The following APBB2 variants were observed in gnomAD, a reference collection of about 807,000 sequenced individuals.
APBB2 encodes Fe65-like 1.
APBB2 carries 38 observed loss-of-function variants against 82.5 expected under a neutral mutation model. The observed-to-expected ratio is 0.46, with a 90% CI of 0.36 to 0.60. The LOEUF (loss-of-function observed/expected upper bound fraction) is 0.60. Ranked by LOEUF, APBB2 falls within the 20% of genes least tolerant of loss-of-function variation. APBB2 has a pLI of 0.00. For missense variants in APBB2, 772 were observed against 972.3 expected (o/e 0.79, Z 2.74); for synonymous variants, 341 against 368.2 (o/e 0.93, Z 0.85).
Position 40,832,261 on chromosome 4 carries a change from T to C in APBB2, c.1530-1684A>G, listed in dbSNP as rs1282673963. On this transcript the variant is annotated intron_variant, in intron 12 of 17. Transcript: ENST00000508593. This position sits in a 1 kb window ranked among gnomAD's most constrained non-coding sequence, Gnocchi z 4.8. ...CTTGGGAAGGGACAGGGATTTACTATAGCAGGCAACTGGCCATCGTGAAGG... is the reference window on the plus strand; with the variant it reads ...CTTGGGAAGGGACAGGGATTTACTACAGCAGGCAACTGGCCATCGTGAAGG... Among the ~76,000 whole-genome samples the C allele has an allele frequency of 6.6e-6, 1 of 152,198 alleles. No individual in the cohort carries two copies. Among genetic ancestry groups the C allele is most frequent in the Non-Finnish European group, 1.5e-5 (1 of 68,034 alleles).
rs10694468 is a variant in APBB2 at position 41,000,105 on chromosome 4, G to GTGTGTGTGTGTGTGTGTGTA, written c.835+13477_835+13478insTACACACACACACACACACA. On this transcript the variant is annotated intron_variant, in intron 6 of 17. Coordinates refer to ENST00000508593, the MANE Select transcript of APBB2 (RefSeq NM_004307.2). ...TGTGTGTGTGTGTGTGTGTGTGTGT[G>GTGTGTGTGTGTGTGTGTGTA]TATAAATTAGCCAGGTGTGGTGGTG... 6.5e-3 allele frequency among the ~76,000 whole-genome samples: 881 copies of GTGTGTGTGTGTGTGTGTGTA among 135,026 alleles called. 30 individuals carry two copies. Among genetic ancestry groups the GTGTGTGTGTGTGTGTGTGTA allele is most frequent in the Non-Finnish European group, 7.9e-3 (507 of 64,248 alleles). The allele number at this position is 135,026 out of a possible 152,430, so 88.6% of individuals were successfully genotyped here.
At chr4:41,108,226 C>T (rs943458416) in intron 2 of APBB2, among the ~76,000 whole-genome samples, 6 of 152,082 alleles carry the variant, frequency 3.9e-5, no homozygotes, top group Non-Finnish European at 7.4e-5. Flanking sequence ...TGGTCACAAC[C>T]TATAAAAACT....
chr4:41,088,355 A>G (rs1000468505), intron 3 of APBB2, among the ~76,000 whole-genome samples: 2 of 152,186 alleles, frequency 1.3e-5, no homozygotes, highest in Non-Finnish European at 2.9e-5. Context: ...TGGTTTATCA[A>G]CTCACCCCTG....
intron 1 of APBB2, among the ~76,000 whole-genome samples, chr4:41,145,973 T>C (rs1268864941): frequency 6.6e-6 from 1 of 152,168 alleles, no homozygotes; most frequent in African/African-American, 2.4e-5. Context: ...GTGGATTGCT[T>C]GAGCCCAGGA....
chr4:40,981,644 A>G (rs549298799), intron 6 of APBB2, among the ~76,000 whole-genome samples: 4 of 152,298 alleles, frequency 2.6e-5, no homozygotes, highest in African/African-American at 9.6e-5. Flanking sequence ...GGTCTCTGCT[A>G]CCAACAGACA....
At chr4:40,906,482 A>C (rs1307305992) in intron 10 of APBB2, among the ~76,000 whole-genome samples, 21 of 150,262 alleles carry the variant, frequency 1.4e-4, no homozygotes, top group African/African-American at 2.7e-4. Flanking sequence ...AAAAAAAAAA[A>C]AAAAAAGAAA....
intron 11 of APBB2, 43 bp from the exon 12 acceptor site, chr4:40,890,534 TG>T: frequency 1.2e-6 from 2 of 1,608,874 alleles, no homozygotes; most frequent in Non-Finnish European, 1.7e-6. Context: ...TCATGCAGGC[TG>T]GAAAGCCTAA....
intron 17 of APBB2, among the ~76,000 whole-genome samples, chr4:40,819,352 A>AT (rs1747010192): frequency 2.0e-5 from 3 of 151,752 alleles, no homozygotes; most frequent in Non-Finnish European, 2.9e-5. Flanking sequence ...CGCTCGGCTA[A>AT]TTTTTGTATT....
At chr4:40,847,725 C>A (rs766639165) in intron 12 of APBB2, among the ~76,000 whole-genome samples, 1 of 152,018 alleles carries the variant, frequency 6.6e-6, no homozygotes, top group Non-Finnish European at 1.5e-5. Context: ...TTTCTTTGTG[C>A]CAGTTCAAAG....
In APBB2 at chr4:40,826,838, T is replaced by A. The variant is rs1750117183; in HGVS notation, c.1732+294A>T. On this transcript the variant is annotated intron_variant, in intron 14 of 17. Transcript: ENST00000508593. This position sits in a 1 kb window ranked among gnomAD's most constrained non-coding sequence, Gnocchi z 4.5. Reference sequence around the variant, plus strand: ...CATGAATTATAATATGAAGACAGTATTCTTAAAGAACATAAAATACAAAAC... The same window carrying A: ...CATGAATTATAATATGAAGACAGTAATCTTAAAGAACATAAAATACAAAAC... 1 of 294,620 alleles carries A rather than the reference T, an allele frequency of 3.4e-6. No homozygotes were observed. The allele number at this position is 294,620 out of a possible 1,614,324, so 18.3% of individuals were successfully genotyped here. A position where few individuals can be genotyped will look rare whatever the true frequency, so the allele number is the denominator to read the frequency against.
intron 2 of APBB2, among the ~76,000 whole-genome samples, chr4:41,112,673 T>C (rs189825333): frequency 2.8e-4 from 42 of 152,292 alleles, no homozygotes; most frequent in African/African-American, 8.7e-4. Flanking sequence ...ATCACTTCTG[T>C]GGGTCTACAC....
chr4:41,160,305 G>A (rs1278898277), intron 1 of APBB2, among the ~76,000 whole-genome samples: 2 of 152,210 alleles, frequency 1.3e-5, no homozygotes, highest in Non-Finnish European at 2.9e-5. Flanking sequence ...AGTGCTTGAA[G>A]AACACCATGC....
intron 1 of APBB2, among the ~76,000 whole-genome samples, chr4:41,190,439 A>C (rs140084487): frequency 0.02 from 3,062 of 151,800 alleles, 96 homozygotes; most frequent in African/African-American, 0.071. Context: ...TAGTAGACAC[A>C]GGGTTTCACC....
intron 3 of APBB2, among the ~76,000 whole-genome samples, chr4:41,098,981 A>G (rs1199772122): frequency 1.3e-5 from 2 of 152,244 alleles, no homozygotes; most frequent in Non-Finnish European, 2.9e-5. Context: ...TAAGATTAAC[A>G]TGTGATTACA....
At chr4:40,934,832 C>A in intron 8 of APBB2, 133 bp from the exon 9 acceptor site, 1 of 731,246 alleles carries the variant, frequency 1.4e-6, no homozygotes, top group South Asian at 1.8e-5. Context: ...GAAAGGCATG[C>A]AAGGACTGTT....
chr4:40,949,982 C>T lies in APBB2; in HGVS notation c.836-4909G>A, dbSNP rs980537686. Among the ~76,000 whole-genome samples, 8 of 152,272 alleles carry T rather than the reference C, an allele frequency of 5.3e-5. 1 individual carries two copies. The highest frequency in any genetic ancestry group is 1.4e-4 in the African/African-American group (6 of 41,544). ...AGATTCGGCACTGGACAGCCTAAAACGCACCGTGGGAACCCAACTCAGAGC... is the reference window on the plus strand; with the variant it reads ...AGATTCGGCACTGGACAGCCTAAAATGCACCGTGGGAACCCAACTCAGAGC... On this transcript the variant is annotated intron_variant, in intron 6 of 17. Coordinates refer to ENST00000508593, the MANE Select transcript of APBB2 (RefSeq NM_004307.2).
At position 41,081,376 on chromosome 4, in the gene APBB2, T is replaced by C. The variant is rs59328411; in HGVS notation, c.-148-15703A>G. Reference sequence around the variant, plus strand: ...CACAATTCTATTCAGGTTTCAGAAATGGAAAGACAAAAAGGGAAAAAAAAT... The same window carrying C: ...CACAATTCTATTCAGGTTTCAGAAACGGAAAGACAAAAAGGGAAAAAAAAT... On this transcript the variant is annotated intron_variant, in intron 3 of 17. Transcript: ENST00000508593. Among the ~76,000 whole-genome samples the C allele has an allele frequency of 8.6e-4, 131 of 152,014 alleles. 1 individual carries two copies. The East Asian group carries it at 0.021, about 25-fold the overall frequency.
chr4:41,100,023 T>C (rs1036492211), intron 3 of APBB2, among the ~76,000 whole-genome samples: 18 of 152,246 alleles, frequency 1.2e-4, no homozygotes, highest in African/African-American at 3.9e-4. Context: ...AATTTTCTGG[T>C]TCCAAGCAAT....
chr4:40,840,124 G>A (rs376914639), intron 12 of APBB2, among the ~76,000 whole-genome samples: 6 of 152,324 alleles, frequency 3.9e-5, no homozygotes, highest in East Asian at 3.9e-4. Context: ...AGCAGCAAAC[G>A]GATTGGATCC....
Sources: allele counts gnomAD v4.1 joint callset (sites outside exome capture counted in the v4.1 genomes callset), GRCh38; gene constraint gnomAD v4.1.1; non-coding constraint Gnocchi (gnomAD v3.1); transcripts MANE v1.5; gene names NCBI Gene and HGNC (gene_info 2026-07-23, HGNC 2026-07-21).